Variants in RAD18 observed in about 807,000 individuals in gnomAD.
RAD18 encodes E3 ubiquitin-protein ligase RAD18.
In RAD18, 47 loss-of-function variants were observed where a neutral mutation model predicts 60.4. That is an observed-to-expected ratio of 0.78 (90% confidence interval 0.62 to 0.99). The LOEUF (loss-of-function observed/expected upper bound fraction) is 0.99. Ranked by LOEUF, RAD18 falls within the 50% of genes least tolerant of loss-of-function variation. The probability of loss-of-function intolerance (pLI) is 0.00; values close to 1 mark genes in which losing one functional copy is unlikely to be tolerated. For missense variants in RAD18, 640 were observed against 593.3 expected, an observed-to-expected ratio of 1.08 and a Z score of -0.82; for synonymous variants, 225 against 195.5, an observed-to-expected ratio of 1.15 and a Z score of -1.26.
At chr3:8,958,515 G>A (rs538589564) in intron 2 of RAD18, among the ~76,000 whole-genome samples, 9 of 152,240 alleles carry the variant, frequency 5.9e-5, no homozygotes, top group South Asian at 2.1e-4. Context: ...TCTCCCACTG[G>A]GGCAATATTC....
intron 4 of RAD18, among the ~76,000 whole-genome samples, chr3:8,944,392 T>A (rs886550723): frequency 6.6e-6 from 1 of 152,158 alleles, no homozygotes; most frequent in Non-Finnish European, 1.5e-5. Context: ...TTCTTCAGTG[T>A]GGACATGGTG....
chr3:8,921,621 C>A (rs911007721), intron 7 of RAD18, among the ~76,000 whole-genome samples: 1 of 151,758 alleles, frequency 6.6e-6, no homozygotes, highest in Admixed American at 6.6e-5. Context: ...ACCTGGGTGA[C>A]AGAGCAAGAC....
At chr3:8,918,318 CAAAAAAAAAAAAA>C (rs56365221) in intron 7 of RAD18, among the ~76,000 whole-genome samples, 1 of 73,018 alleles carries the variant, frequency 1.4e-5, no homozygotes. Flanking sequence ...AACTCCATCT[CAAAAAAAAAAAAA>C]AAAAAAAAAG....
chr3:8,929,937 G>C lies in RAD18; in HGVS notation c.889+5934C>G, dbSNP rs192251528. On this transcript the variant is annotated intron_variant, in intron 7 of 12. Coordinates refer to ENST00000264926, the MANE Select transcript of RAD18 (RefSeq NM_020165.4). ...GCTGGGATTACAGGCATGAGCCACT[G>C]CGCCCGGCACAGCTGGAACTCTTAT... Among the ~76,000 whole-genome samples, 194 of 152,344 alleles carry C rather than the reference G, an allele frequency of 1.3e-3. 3 individuals carry two copies. The highest frequency in any genetic ancestry group is 4.5e-3 in the African/African-American group (186 of 41,572).
At chr3:8,956,383 A>G (rs28683610) in intron 2 of RAD18, among the ~76,000 whole-genome samples, 21,817 of 152,210 alleles carry the variant, frequency 0.14, 2,058 homozygotes, top group African/African-American at 0.26. Context: ...TAGATAGCAT[A>G]TGTAACATCA....
At chr3:8,888,930 C>A (rs1294799785) in intron 12 of RAD18, among the ~76,000 whole-genome samples, 1 of 152,164 alleles carries the variant, frequency 6.6e-6, no homozygotes, top group Non-Finnish European at 1.5e-5. Context: ...TCACTGGTGT[C>A]AGGGTTAGTT....
At chr3:8,948,938 C>T (rs1384616195) in intron 2 of RAD18, among the ~76,000 whole-genome samples, 1 of 152,072 alleles carries the variant, frequency 6.6e-6, no homozygotes, top group Non-Finnish European at 1.5e-5. Flanking sequence ...TATATATACA[C>T]ATATTAAGAA....
chr3:8,917,863 T>C (rs754266699), intron 7 of RAD18, among the ~76,000 whole-genome samples: 2 of 152,042 alleles, frequency 1.3e-5, no homozygotes, highest in Non-Finnish European at 2.9e-5. Context: ...GACCAAACTA[T>C]ATACTATCAA....
intron 11 of RAD18, among the ~76,000 whole-genome samples, chr3:8,896,852 AT>A (rs1307167801): frequency 1.3e-5 from 2 of 152,176 alleles, no homozygotes; most frequent in Non-Finnish European, 2.9e-5. Flanking sequence ...GTTAGGAAAC[AT>A]TGTATTAAAG....
chr3:8,937,973 G>A (rs1343438102), intron 6 of RAD18, among the ~76,000 whole-genome samples: 2 of 152,156 alleles, frequency 1.3e-5, no homozygotes, highest in Non-Finnish European at 2.9e-5. Context: ...TATTCGAACT[G>A]ATGGATGGAT....
At chr3:8,961,172 C>G (rs898879981) in intron 1 of RAD18, among the ~76,000 whole-genome samples, 2 of 152,190 alleles carry the variant, frequency 1.3e-5, no homozygotes, top group Non-Finnish European at 2.9e-5. Context: ...GACACTACAT[C>G]AGATGAGCCA....
At chr3:8,963,290 C>A (rs776169809) in intron 1 of RAD18, 45 bp downstream of exon 1, 1 of 1,562,762 alleles carries the variant, frequency 6.4e-7, no homozygotes, top group Non-Finnish European at 8.7e-7. Flanking sequence ...GAGGGACCTC[C>A]CCCCGCAGAC....
chr3:8,962,817 G>A (rs1941112644), intron 1 of RAD18, among the ~76,000 whole-genome samples: 1 of 152,212 alleles, frequency 6.6e-6, no homozygotes, highest in Non-Finnish European at 1.5e-5. Context: ...AGAGAAGAGT[G>A]AAGGTGTGTT....
At chr3:8,942,342 C>CA (rs1182222930) in intron 4 of RAD18, among the ~76,000 whole-genome samples, 5 of 152,186 alleles carry the variant, frequency 3.3e-5, no homozygotes, top group South Asian at 2.1e-4. Context: ...GACATGCTGC[C>CA]CGTCTTTTGT....
chr3:8,918,243 A>C (rs1300821159), intron 7 of RAD18, among the ~76,000 whole-genome samples: 1 of 146,648 alleles, frequency 6.8e-6, no homozygotes, highest in Non-Finnish European at 1.5e-5. Context: ...GCTTGAATCC[A>C]GGAGGAGGAG....
At chr3:8,920,172 G>A (rs938173069) in intron 7 of RAD18, among the ~76,000 whole-genome samples, 3 of 151,824 alleles carry the variant, frequency 2.0e-5, no homozygotes, top group Non-Finnish European at 2.9e-5. Context: ...CCAGCTACTC[G>A]GGAGGCTGAG....
At chr3:8,912,243 G>T in intron 9 of RAD18, 69 bp downstream of exon 9, 2 of 1,210,464 alleles carry the variant, frequency 1.7e-6, no homozygotes, top group Non-Finnish European at 2.3e-6. Flanking sequence ...ACATTATTCT[G>T]AAAAATTACT....
chr3:8,886,569 A>G (rs1939569178), intron 12 of RAD18, among the ~76,000 whole-genome samples: 1 of 152,166 alleles, frequency 6.6e-6, no homozygotes, highest in Non-Finnish European at 1.5e-5. Flanking sequence ...ATTCATTCAC[A>G]TATTTATTGA....
rs534337591 is a variant in RAD18 at position 8,911,408 on chromosome 3, C to A, written c.1027+904G>T. Among the ~76,000 whole-genome samples, 3 of 152,266 alleles carry A rather than the reference C, an allele frequency of 2.0e-5. 1 individual carries two copies. The highest frequency in any genetic ancestry group is 2.0e-4 in the Admixed American group (3 of 15,292). On this transcript the variant is annotated intron_variant, in intron 9 of 12. Transcript: ENST00000264926. ...GCCAATTCACTGATCATTTGATATT[C>A]TCTTTTGTTCTCCTTTCTAAAGAAA...
Sources: gnomAD v4.1 joint callset for allele counts (sites outside exome capture counted in the v4.1 genomes callset) on GRCh38, gnomAD v4.1.1 for gene constraint, MANE v1.5 for transcripts, NCBI Gene and HGNC (gene_info 2026-07-23, HGNC 2026-07-21) for gene names.